Variants in DSG4 observed in about 807,000 individuals in gnomAD.
DSG4 encodes the protein desmoglein 4.
Under a neutral mutation model 93.1 loss-of-function variants are expected in DSG4, and 87 were observed. The ratio of observed to expected loss-of-function variants is 0.93; its 90% CI spans 0.79 to 1.12. The LOEUF (loss-of-function observed/expected upper bound fraction) is 1.12, where lower values mean the gene tolerates loss of function less well. DSG4 is among the 50% of genes most tolerant of loss of function. The pLI, the probability that DSG4 is intolerant of heterozygous loss-of-function variation, is 0.00. For missense variants in DSG4, 1,373 were observed against 1,285.7 expected, an observed-to-expected ratio of 1.07 and a Z score of -1.04; for synonymous variants, 432 against 452.9, an observed-to-expected ratio of 0.95 and a Z score of 0.59.
In DSG4 at chr18:31,412,833, G is replaced by T; in HGVS notation, c.2361G>T (p.Ala787=). The part of the protein sequence containing the change: ...AFLDSYFSEK[A]YAYADEDEGR... ...GTATTTCCTTTTAATTTTAGAAAGC[G>T]TATGCTTATGCAGATGAAGATGAAG... Residue 787 remains alanine (A), a synonymous_variant, in exon 16 of 16, where the codon GCG becomes GCT. Coordinates refer to ENST00000308128, the MANE Select transcript of DSG4 (RefSeq NM_177986.5). 1 of 1,614,096 alleles carries T rather than the reference G, an allele frequency of 6.2e-7. No homozygotes were observed.
intron 11 of DSG4, 24 bp from the exon 12 acceptor site, chr18:31,406,053 T>C: frequency 3.1e-6 from 5 of 1,613,526 alleles, no homozygotes; most frequent in South Asian, 2.2e-5. Flanking sequence ...CCATTTATTT[T>C]CTGTTTCCTC....
At chr18:31,391,939 A>G (rs1483120132) in intron 7 of DSG4, among the ~76,000 whole-genome samples, 1 of 152,194 alleles carries the variant, frequency 6.6e-6, no homozygotes, top group Non-Finnish European at 1.5e-5. Flanking sequence ...CAAAGTGCTA[A>G]TTTGACCTTG....
chr18:31,380,210 A>G (rs544832362), intron 1 of DSG4, among the ~76,000 whole-genome samples: 4 of 152,322 alleles, frequency 2.6e-5, no homozygotes, highest in Non-Finnish European at 5.9e-5. Context: ...GTAGGATAAA[A>G]ATCCTGCCCT....
intron 8 of DSG4, among the ~76,000 whole-genome samples, chr18:31,397,211 C>T (rs1033098980): frequency 3.9e-5 from 6 of 152,156 alleles, no homozygotes; most frequent in Non-Finnish European, 4.4e-5. Context: ...CTGCCAGAAG[C>T]CAAATACATT....
chr18:31,382,012 C>A (rs1490834445), intron 1 of DSG4, among the ~76,000 whole-genome samples: 2 of 152,044 alleles, frequency 1.3e-5, no homozygotes, highest in African/African-American at 2.4e-5. Context: ...AGTAAAAGTC[C>A]TGTTCAAGTT....
intron 8 of DSG4, among the ~76,000 whole-genome samples, chr18:31,395,778 G>A (rs1189586542): frequency 2.6e-5 from 4 of 152,080 alleles, no homozygotes; most frequent in African/African-American, 9.7e-5. Context: ...AGGCGGGAGG[G>A]TCACTTGAGT....
chr18:31,388,638 T>C, intron 4 of DSG4, 116 bp downstream of exon 4: 3 of 1,416,848 alleles, frequency 2.1e-6, no homozygotes, highest in Non-Finnish European at 2.9e-6. Flanking sequence ...TGAACCCAAA[T>C]AGAAGACTTG....
In DSG4 at chr18:31,402,211, G is replaced by A. The variant is rs555429200; in HGVS notation, c.1417+1191G>A. On this transcript the variant is annotated intron_variant, in intron 10 of 15. Coordinates refer to ENST00000308128, the MANE Select transcript of DSG4 (RefSeq NM_177986.5). ...TTCACCTAAGCAGAGTGTCTGCACT[G>A]GCACAGAGCTATCTGAATGGTTGGA... 3.9e-5 allele frequency among the ~76,000 whole-genome samples: 6 copies of A among 152,298 alleles called. 1 individual carries two copies. In the East Asian group the frequency reaches 5.8e-4, roughly 15 times the overall value.
Position 31,390,799 on chromosome 18 carries a change from A to G in DSG4, c.661A>G (p.Met221Val), listed in dbSNP as rs1450087636. Residue 221 changes from methionine to valine, a missense_variant, in exon 6 of 16, where the codon ATG (methionine) becomes GTG (valine). By Grantham distance (21) the Met-to-Val change is conservative. Coordinates refer to ENST00000308128, the MANE Select transcript of DSG4 (RefSeq NM_177986.5). The part of the protein sequence containing the change: ...LNRYTGEVCT[M>V]SSFLDREQHS... ...TAGGTACACTGGAGAAGTCTGCACC[A>G]TGTCCAGTTTCTTGGACAGAGAGGT... is the stretch of plus-strand genomic sequence containing the variant. 1 of 1,613,702 alleles carries G rather than the reference A, an allele frequency of 6.2e-7. No homozygotes were observed. The highest frequency in any genetic ancestry group is 8.5e-7 in the Non-Finnish European group (1 of 1,179,740).
At chr18:31,377,023 C>A in intron 1 of DSG4, 64 bp downstream of exon 1, 1 of 1,548,044 alleles carries the variant, frequency 6.5e-7, no homozygotes, top group South Asian at 1.1e-5. Context: ...TGTCAACTGT[C>A]GGGCTTTCTA....
intron 2 of DSG4, among the ~76,000 whole-genome samples, chr18:31,386,323 T>C (rs2072186832): frequency 6.6e-6 from 1 of 152,124 alleles, no homozygotes; most frequent in Non-Finnish European, 1.5e-5. Context: ...CTCTGCAGTC[T>C]GTAAATTCTG....
At chr18:31,386,632 C>A (rs1210246004) in intron 2 of DSG4, 56 bp from the exon 3 acceptor site, 1 of 1,606,434 alleles carries the variant, frequency 6.2e-7, no homozygotes, top group African/African-American at 1.3e-5. Flanking sequence ...AATAAATGTC[C>A]TTTCTAAGTA....
At chr18:31,393,029 CACAG>C (rs1205904178) in intron 8 of DSG4, among the ~76,000 whole-genome samples, 9 of 151,976 alleles carry the variant, frequency 5.9e-5, no homozygotes, top group Admixed American at 5.2e-4. Flanking sequence ...GCTTTTAATT[CACAG>C]ACAATGATAA....
chr18:31,388,298 T>C, intron 3 of DSG4, 69 bp from the exon 4 acceptor site: 1 of 1,573,560 alleles, frequency 6.4e-7, no homozygotes, highest in Non-Finnish European at 8.7e-7. Flanking sequence ...CACTCCCTTC[T>C]TATTCCACTA....
intron 5 of DSG4, among the ~76,000 whole-genome samples, chr18:31,389,779 T>C (rs2072228400): frequency 6.6e-6 from 1 of 151,976 alleles, no homozygotes; most frequent in Non-Finnish European, 1.5e-5. Flanking sequence ...ATAGGAAAAA[T>C]AAATTTCAGG....
At chr18:31,396,965 G>T (rs1250129427) in intron 8 of DSG4, among the ~76,000 whole-genome samples, 1 of 152,114 alleles carries the variant, frequency 6.6e-6, no homozygotes, top group East Asian at 1.9e-4. Context: ...CCTGGAAACA[G>T]AACATACACA....
rs150893959 is a variant in DSG4, at chr18:31,398,742, C to T, written c.1006-530C>T. ...AAGGAGTCTTCCTGTCCACCAGACC[C>T]GGCGACTATAATCATCATAAATTCT... On this transcript the variant is annotated intron_variant, in intron 8 of 15. Coordinates refer to ENST00000308128, the MANE Select transcript of DSG4 (RefSeq NM_177986.5). Among the ~76,000 whole-genome samples the T allele has an allele frequency of 2.3e-3, 346 of 152,036 alleles. 3 individuals are homozygous for T. The highest frequency in any genetic ancestry group is 8.1e-3 in the African/African-American group (335 of 41,482).
intron 15 of DSG4, 41 bp downstream of exon 15, chr18:31,411,489 GAAT>G (rs756000303): frequency 5.6e-6 from 9 of 1,599,518 alleles, no homozygotes; most frequent in Non-Finnish European, 6.0e-6. Flanking sequence ...TCTTGAGATT[GAAT>G]AATAATAATA....
intron 9 of DSG4, 85 bp downstream of exon 9, chr18:31,399,628 CTTTTGGAGGGCT>C: frequency 6.4e-7 from 1 of 1,558,208 alleles, no homozygotes; most frequent in Non-Finnish European, 8.8e-7. Context: ...GGTTGTAATA[CTTTTGGAGGGCT>C]TTTTTGCTTT....
Sources: gnomAD v4.1 joint callset for allele counts (sites outside exome capture counted in the v4.1 genomes callset) on GRCh38, gnomAD v4.1.1 for gene constraint, MANE v1.5 for transcripts, NCBI Gene and HGNC (gene_info 2026-07-23, HGNC 2026-07-21) for gene names.